CHD9: variants seen among roughly 807,000 people sequenced by gnomAD.
CHD9 encodes chromodomain helicase DNA binding protein 9.
Under a neutral mutation model 316.1 loss-of-function variants are expected in CHD9, and 77 were observed. The observed-to-expected ratio is 0.24, with a 90% CI of 0.20 to 0.29. CHD9 has a LOEUF of 0.29. CHD9 is among the 10% of genes least tolerant of loss of function. The pLI is 1.00. For missense variants in CHD9, 2,763 were observed against 3,438.1 expected, an observed-to-expected ratio of 0.80 and a Z score of 4.91; for synonymous variants, 1,129 against 1,158.3, an observed-to-expected ratio of 0.97 and a Z score of 0.51.
intron 15 of CHD9, among the ~76,000 whole-genome samples, chr16:53,246,080 A>C (rs189257603): frequency 6.6e-6 from 1 of 152,294 alleles, no homozygotes; most frequent in Non-Finnish European, 1.5e-5. Flanking sequence ...TTTGGACTAG[A>C]ATTTGTCCTC....
In CHD9 at chr16:53,061,412, G is replaced by C. The variant is rs574775465; in HGVS notation, c.-165+6335G>C. Among the ~76,000 whole-genome samples the C allele has an allele frequency of 2.1e-3, 316 of 152,296 alleles. 2 individuals carry two copies. Among genetic ancestry groups the C allele is most frequent in the African/African-American group, 7.4e-3 (309 of 41,558 alleles). ...CACTGGGCAACTCATTCCACTGACA[G>C]AAGTTTAAAGCTGTGTCATAGTTGT... On this transcript the variant is annotated intron_variant, in intron 1 of 38. Coordinates refer to ENST00000447540, the MANE Select transcript of CHD9 (RefSeq NM_001308319.2).
chr16:53,242,758 A>G lies in CHD9; in HGVS notation c.2878-82A>G, dbSNP rs575595265. ...TTTCATTAGAAATGTTTTATAACAG[A>G]TGTTATCTGATGCCACTTGACAGGA... On this transcript the variant is annotated intron_variant, in intron 12 of 38. Coordinates refer to ENST00000447540, the MANE Select transcript of CHD9 (RefSeq NM_001308319.2). The G allele has an allele frequency of 1.2e-5, 14 of 1,208,862 alleles. No homozygotes were observed. In the Admixed American group the frequency reaches 1.5e-4, roughly 13 times the overall value. The allele number at this position is 1,208,862 out of a possible 1,614,324, so 74.9% of individuals were successfully genotyped here.
chr16:53,243,165 C>T (rs73599656), intron 13 of CHD9, 149 bp downstream of exon 13: 15,048 of 535,888 alleles, frequency 0.028, 283 homozygotes, highest in South Asian at 0.061. Context: ...TTTTGGGGGG[C>T]CTTAATTTGT....
At chr16:53,074,472 G>A (rs745779311) in intron 1 of CHD9, among the ~76,000 whole-genome samples, 1 of 152,230 alleles carries the variant, frequency 6.6e-6, no homozygotes, top group African/African-American at 2.4e-5. Flanking sequence ...GGAAATGGCA[G>A]AGACCTTTGC....
At chr16:53,088,142 A>C (rs1270650343) in intron 1 of CHD9, among the ~76,000 whole-genome samples, 2 of 152,120 alleles carry the variant, frequency 1.3e-5, no homozygotes, top group African/African-American at 4.8e-5. Flanking sequence ...TAACAAGCTG[A>C]CAGCATCAGT....
chr16:53,306,181 A>G, intron 31 of CHD9, 56 bp from the exon 32 acceptor site: 1 of 1,027,972 alleles, frequency 9.7e-7, no homozygotes, highest in Non-Finnish European at 1.3e-6. Flanking sequence ...AAATCCTTAT[A>G]TATAAAACTA....
Position 53,314,478 on chromosome 16 carries a change from G to C in CHD9, c.7324G>C (p.Asp2442His). The C allele has an allele frequency of 6.3e-7, 1 of 1,580,598 alleles. No homozygotes were observed. Among genetic ancestry groups the C allele is most frequent in the South Asian group, 1.2e-5 (1 of 86,074 alleles). Residue 2442 changes from aspartate to histidine, a missense_variant, in exon 35 of 39, where the codon GAC becomes CAC. By Grantham distance (81) the Asp-to-His change is moderately conservative. Coordinates refer to ENST00000447540, the MANE Select transcript of CHD9 (RefSeq NM_001308319.2). ...RGRRKNVEGVDIFFFNRNKPP... is the reference protein window; with the variant it reads ...RGRRKNVEGVHIFFFNRNKPP... ...AAGGAGGAAGAATGTAGAAGGTGTT[G>C]ACATCTTCTTTTTTAACAGAAATAA...
intron 2 of CHD9, among the ~76,000 whole-genome samples, chr16:53,178,247 G>A (rs1240020602): frequency 6.6e-6 from 1 of 152,118 alleles, no homozygotes; most frequent in Non-Finnish European, 1.5e-5. Context: ...AAAAGCCGGT[G>A]TTTTCTTCAT....
chr16:53,099,649 A>G lies in CHD9; in HGVS notation c.-165+44572A>G, dbSNP rs1419625157. Among the ~76,000 whole-genome samples, 6 of 151,148 alleles carry G rather than the reference A, an allele frequency of 4.0e-5. No homozygotes were observed. The East Asian group carries it at 1.2e-3, about 30-fold the overall frequency. ...GCAACCTGACCTCTTCCTCCTCCGGACTCCTCCGGGCGGGAGATTCGGCTC... is the reference window on the plus strand; with the variant it reads ...GCAACCTGACCTCTTCCTCCTCCGGGCTCCTCCGGGCGGGAGATTCGGCTC... On this transcript the variant is annotated intron_variant, in intron 1 of 38. Coordinates refer to ENST00000447540, the MANE Select transcript of CHD9 (RefSeq NM_001308319.2).
chr16:53,073,208 G>A (rs1300257836), intron 1 of CHD9, among the ~76,000 whole-genome samples: 2 of 152,190 alleles, frequency 1.3e-5, no homozygotes, highest in Non-Finnish European at 2.9e-5. Flanking sequence ...TACTCTGAGT[G>A]CCTCATACCA....
rs138354953 is a variant in CHD9 at position 53,286,419 on chromosome 16, A to G, written c.5189+76A>G. ...ATATCAGCATATTCTATGTCACACT[A>G]TTTATCTTTAAATGAGGTAGCAGTA... On this transcript the variant is annotated intron_variant, in intron 26 of 38. Coordinates refer to ENST00000447540, the MANE Select transcript of CHD9 (RefSeq NM_001308319.2). 1.7e-5 allele frequency: 13 copies of G among 768,716 alleles called. No individual in the cohort carries two copies. The East Asian group carries it at 2.4e-4, about 14-fold the overall frequency. 47.6% of individuals were successfully genotyped at this position (768,716 alleles called of 1,614,324 possible). A position where few individuals can be genotyped will look rare whatever the true frequency, so the allele number is the denominator to read the frequency against.
At chr16:53,150,332 G>A (rs2040999233) in intron 1 of CHD9, among the ~76,000 whole-genome samples, 1 of 151,230 alleles carries the variant, frequency 6.6e-6, no homozygotes, top group Non-Finnish European at 1.5e-5. Context: ...TTATAACAAT[G>A]TATTTTAAAT....
intron 1 of CHD9, among the ~76,000 whole-genome samples, chr16:53,085,530 G>T (rs1011034788): frequency 1.3e-5 from 2 of 152,064 alleles, no homozygotes; most frequent in African/African-American, 4.8e-5. Context: ...CTGGGGCTGG[G>T]GGCTGGGTTC....
At chr16:53,285,562 T>C (rs2053801838) in intron 24 of CHD9, 34 bp from the exon 25 acceptor site, 3 of 1,385,026 alleles carry the variant, frequency 2.2e-6, no homozygotes, top group Non-Finnish European at 3.0e-6. Flanking sequence ...TCATTTATAA[T>C]AATTCATAAT....
At chr16:53,157,620 CAT>C in intron 2 of CHD9, 79 bp downstream of exon 2, 2 of 1,332,210 alleles carry the variant, frequency 1.5e-6, no homozygotes, top group Non-Finnish European at 2.1e-6. Flanking sequence ...TTATATGAAA[CAT>C]AGTCAAGATT....
chr16:53,170,747 C>T lies in CHD9; in HGVS notation c.1452+13206C>T, dbSNP rs568857931. ...TTATTTAAGTTAAACTGATATTGAG[C>T]GAAGGGATTTGTGTTTTTTTAGGTT... On this transcript the variant is annotated intron_variant, in intron 2 of 38. Coordinates refer to ENST00000447540, the MANE Select transcript of CHD9 (RefSeq NM_001308319.2). Among the ~76,000 whole-genome samples the T allele has an allele frequency of 5.5e-4, 83 of 151,906 alleles. 2 individuals carry two copies. The South Asian group carries it at 0.013, about 24-fold the overall frequency.
intron 1 of CHD9, among the ~76,000 whole-genome samples, chr16:53,106,253 C>G (rs762532050): frequency 1.3e-5 from 2 of 152,142 alleles, no homozygotes; most frequent in African/African-American, 4.8e-5. Context: ...CATCATGATT[C>G]TAAAATGGTC....
At chr16:53,232,402 AAATTAGAG>A (rs1170712843) in intron 10 of CHD9, among the ~76,000 whole-genome samples, 1 of 152,164 alleles carries the variant, frequency 6.6e-6, no homozygotes, top group East Asian at 1.9e-4. Context: ...AGCTTTTCAA[AAATTAGAG>A]ATGCCTTAGA....
chr16:53,202,062 A>C (rs1013710217), intron 2 of CHD9, among the ~76,000 whole-genome samples: 2 of 151,834 alleles, frequency 1.3e-5, no homozygotes, highest in Non-Finnish European at 2.9e-5. Flanking sequence ...GTGTCTTGCT[A>C]TGTTGCCCAG....
Sources: allele counts gnomAD v4.1 joint callset (sites outside exome capture counted in the v4.1 genomes callset), GRCh38; gene constraint gnomAD v4.1.1; transcripts MANE v1.5; gene names NCBI Gene and HGNC (gene_info 2026-07-23, HGNC 2026-07-21).